Variants in MIPEP observed in about 807,000 individuals in gnomAD.
MIPEP encodes the protein mitochondrial intermediate peptidase.
A neutral mutation model predicts 90.3 loss-of-function variants in MIPEP; 79 were observed. The ratio of observed to expected loss-of-function variants is 0.87; its 90% CI spans 0.73 to 1.05. MIPEP has a LOEUF of 1.05. MIPEP is among the 50% of genes least tolerant of loss of function. The pLI is 0.00. For missense variants in MIPEP, 940 were observed against 905.6 expected (o/e 1.04, Z -0.49); for synonymous variants, 334 against 315.8 (o/e 1.06, Z -0.61).
intron 2 of MIPEP, among the ~76,000 whole-genome samples, chr13:23,882,858 A>T (rs1315280808): frequency 1.3e-5 from 2 of 149,848 alleles, no homozygotes; most frequent in Non-Finnish European, 3.0e-5. Flanking sequence ...AATTTACAAC[A>T]TTTTTTTTTT....
intron 2 of MIPEP, among the ~76,000 whole-genome samples, chr13:23,884,323 G>C (rs1593211614): frequency 6.6e-6 from 1 of 152,234 alleles, no homozygotes; most frequent in East Asian, 1.9e-4. Context: ...AAAATTCATA[G>C]AACTGTACCA....
chr13:23,777,506 T>G (rs1952731744), intron 16 of MIPEP, among the ~76,000 whole-genome samples: 1 of 152,244 alleles, frequency 6.6e-6, no homozygotes, highest in African/African-American at 2.4e-5. Flanking sequence ...GTTACAGTAT[T>G]GTACCACAGT....
At chr13:23,835,990 G>A (rs1475760738) in intron 14 of MIPEP, among the ~76,000 whole-genome samples, 1 of 152,108 alleles carries the variant, frequency 6.6e-6, no homozygotes, top group East Asian at 1.9e-4. Context: ...AGGTTATGAG[G>A]ACTAAATGGT....
chr13:23,883,737 T>C (rs1566029170), intron 2 of MIPEP, among the ~76,000 whole-genome samples: 1 of 152,168 alleles, frequency 6.6e-6, no homozygotes, highest in African/African-American at 2.4e-5. Context: ...ATCTGGAGGG[T>C]TGACGATACA....
intron 3 of MIPEP, among the ~76,000 whole-genome samples, 180 bp downstream of exon 3, chr13:23,881,519 G>T (rs775450952): frequency 2.0e-5 from 3 of 152,238 alleles, no homozygotes; most frequent in Non-Finnish European, 4.4e-5. Flanking sequence ...CCCAGTGCCT[G>T]CCTGCGAGGT....
intron 18 of MIPEP, among the ~76,000 whole-genome samples, chr13:23,751,924 T>TA (rs5802250): frequency 0.42 from 61,373 of 146,586 alleles, 13,591 homozygotes; most frequent in Non-Finnish European, 0.52. Flanking sequence ...GTTGCGACAT[T>TA]AAAAAAAAAA....
At chr13:23,752,835 T>C (rs1952455222) in intron 18 of MIPEP, among the ~76,000 whole-genome samples, 1 of 152,046 alleles carries the variant, frequency 6.6e-6, no homozygotes, top group Non-Finnish European at 1.5e-5. Context: ...TGTTTAAAAA[T>C]AGACAAGGCC....
intron 18 of MIPEP, among the ~76,000 whole-genome samples, chr13:23,747,972 C>G (rs1952401848): frequency 6.6e-6 from 1 of 152,134 alleles, no homozygotes; most frequent in Admixed American, 6.5e-5. Context: ...AACTCCTGAC[C>G]TTGTGATCAG....
At chr13:23,793,697 T>C (rs532379912) in intron 16 of MIPEP, among the ~76,000 whole-genome samples, 7 of 152,022 alleles carry the variant, frequency 4.6e-5, no homozygotes, top group Non-Finnish European at 8.8e-5. Flanking sequence ...CAATACATTA[T>C]AAACTGAGAT....
At chr13:23,881,604 G>A (rs1209974274) in intron 3 of MIPEP, 95 bp downstream of exon 3, 10 of 1,059,938 alleles carry the variant, frequency 9.4e-6, no homozygotes, top group Non-Finnish European at 1.4e-5. Flanking sequence ...CTGGGTGAGG[G>A]ACAAGCGCTA....
intron 14 of MIPEP, among the ~76,000 whole-genome samples, chr13:23,831,529 G>A (rs997546501): frequency 1.3e-5 from 2 of 152,104 alleles, no homozygotes; most frequent in African/African-American, 2.4e-5. Context: ...CAACACATCC[G>A]GCAGCTCCTG....
chr13:23,748,954 A>AGTT (rs1952411236), intron 18 of MIPEP, among the ~76,000 whole-genome samples: 1 of 152,208 alleles, frequency 6.6e-6, no homozygotes, highest in Non-Finnish European at 1.5e-5. Flanking sequence ...TTTAGGAATA[A>AGTT]CCATCCAGAG....
At chr13:23,857,600 TA>T (rs1034808530) in intron 10 of MIPEP, among the ~76,000 whole-genome samples, 2 of 152,006 alleles carry the variant, frequency 1.3e-5, no homozygotes, top group African/African-American at 4.8e-5. Context: ...AAAATAAAAA[TA>T]AAAAATAGTA....
At chr13:23,779,680 C>A (rs1285369390) in intron 16 of MIPEP, among the ~76,000 whole-genome samples, 1 of 152,088 alleles carries the variant, frequency 6.6e-6, no homozygotes, top group Non-Finnish European at 1.5e-5. Flanking sequence ...CCAGGAAGCA[C>A]AAGGGGTCAG....
At chr13:23,772,186 A>T (rs1952659864) in intron 16 of MIPEP, among the ~76,000 whole-genome samples, 1 of 152,234 alleles carries the variant, frequency 6.6e-6, no homozygotes, top group African/African-American at 2.4e-5. Flanking sequence ...GACAGAAATA[A>T]AGAATGTGAC....
chr13:23,829,893 G>C (rs543980908), intron 14 of MIPEP, among the ~76,000 whole-genome samples: 1 of 152,298 alleles, frequency 6.6e-6, no homozygotes, highest in South Asian at 2.1e-4. Flanking sequence ...TGCTAATTAA[G>C]ACCACAATAG....
rs1480672940 is a variant in MIPEP at position 23,824,239 on chromosome 13, G to C, written c.1653+12001C>G. On this transcript the variant is annotated intron_variant, in intron 14 of 18. Transcript: ENST00000382172. ...TCTCTAACATTTCACAATCTCACTAGTCTAATTTAAATAACATTACATTAA... is the reference window on the plus strand; with the variant it reads ...TCTCTAACATTTCACAATCTCACTACTCTAATTTAAATAACATTACATTAA... Among the ~76,000 whole-genome samples the C allele has an allele frequency of 2.6e-5, 4 of 152,230 alleles. No individual in the cohort carries two copies. In the East Asian group the frequency reaches 7.7e-4, roughly 29 times the overall value.
chr13:23,801,444 T>C (rs1953039629), intron 16 of MIPEP, among the ~76,000 whole-genome samples: 1 of 152,186 alleles, frequency 6.6e-6, no homozygotes, highest in Non-Finnish European at 1.5e-5. Flanking sequence ...CAGATCACCT[T>C]TTAATCCTTG....
At chr13:23,823,472 A>G (rs998341029) in intron 14 of MIPEP, among the ~76,000 whole-genome samples, 1 of 152,184 alleles carries the variant, frequency 6.6e-6, no homozygotes, top group African/African-American at 2.4e-5. Flanking sequence ...GGAGGTGGGC[A>G]TGACAGTCCT....
Sources: allele counts gnomAD v4.1 joint callset (sites outside exome capture counted in the v4.1 genomes callset), GRCh38; gene constraint gnomAD v4.1.1; transcripts MANE v1.5; gene names NCBI Gene and HGNC (gene_info 2026-07-23, HGNC 2026-07-21).